The following PVALEF variants were observed in gnomAD, a reference collection of about 807,000 sequenced individuals.
PVALEF encodes the protein parvalbumin like EF-hand containing.
In PVALEF, 2 loss-of-function variants were observed where a neutral mutation model predicts 1.2. The ratio of observed to expected loss-of-function variants is 1.68; its 90% CI spans 0.69 to 5.28. PVALEF has a LOEUF of 5.28. PVALEF is among the 30% of genes most tolerant of loss of function. The probability of loss-of-function intolerance (pLI) is 0.06; values close to 1 mark genes in which losing one functional copy is unlikely to be tolerated. For missense variants in PVALEF, 35 were observed against 17.7 expected, an observed-to-expected ratio of 1.97 and a Z score of -1.75; for synonymous variants, 16 against 6.5, an observed-to-expected ratio of 2.47 and a Z score of -2.24.
Position 81,181,160 on chromosome 17 carries a change from G to A in PVALEF, c.-67G>A, listed in dbSNP as rs1262257783. On this transcript the variant is annotated 5_prime_UTR_variant, in exon 4 of 7. Transcript: ENST00000637878. ...CCACGCGGCGTCTACGTCTGCTCTG[G>A]CCCAAGCAGCACCCCCAATCCGTGC... The A allele has an allele frequency of 5.7e-6, 4 of 697,822 alleles. No individual in the cohort carries two copies. Among genetic ancestry groups the A allele is most frequent in the Non-Finnish European group, 1.0e-5 (4 of 382,236 alleles). The allele number at this position is 697,822 out of a possible 1,614,324, so 43.2% of individuals were successfully genotyped here. A position where few individuals can be genotyped will look rare whatever the true frequency, so the allele number is the denominator to read the frequency against.
At chr17:81,181,050 G>A in intron 3 of PVALEF, 73 bp from the exon 4 acceptor site, 1 of 537,358 alleles carries the variant, frequency 1.9e-6, no homozygotes, top group Non-Finnish European at 3.3e-6. Context: ...CTGCCTGGCT[G>A]GGATCCCAGC....
At position 81,183,047 on chromosome 17, in the gene PVALEF, A is replaced by T; in HGVS notation, c.*36A>T. ...AGCCCTGGCCAGCCAAGGGGCTCCC[A>T]TGGGGTAACCGGGGTGACCACGCAC... On this transcript the variant is annotated 3_prime_UTR_variant, in exon 7 of 7. Transcript: ENST00000637878. 1 of 398,684 alleles carries T rather than the reference A, an allele frequency of 2.5e-6. No individual in the cohort carries two copies. The highest frequency in any genetic ancestry group is 4.4e-6 in the Non-Finnish European group (1 of 226,068). 24.7% of individuals were successfully genotyped at this position (398,684 alleles called of 1,614,324 possible).
At chr17:81,167,232 G>T (rs568003940) in intron 2 of PVALEF, among the ~76,000 whole-genome samples, 3 of 152,196 alleles carry the variant, frequency 2.0e-5, no homozygotes, top group Non-Finnish European at 4.4e-5. Context: ...GTTAGAGGCC[G>T]CAGTGAGCCA....
chr17:81,176,803 G>A (rs2061537090), intron 2 of PVALEF, among the ~76,000 whole-genome samples: 2 of 152,088 alleles, frequency 1.3e-5, no homozygotes, highest in African/African-American at 2.4e-5. Flanking sequence ...GGAGACATTT[G>A]TACACCCATC....
At chr17:81,173,961 T>G (rs2061528683) in intron 2 of PVALEF, among the ~76,000 whole-genome samples, 1 of 152,158 alleles carries the variant, frequency 6.6e-6, no homozygotes, top group Non-Finnish European at 1.5e-5. Flanking sequence ...CATAATCAAG[T>G]GGGATTTATT....
chr17:81,181,059 G>C, intron 3 of PVALEF, 64 bp from the exon 4 acceptor site: 1 of 539,770 alleles, frequency 1.9e-6, no homozygotes. Context: ...TGGGATCCCA[G>C]CATGTCTCGG....
intron 3 of PVALEF, among the ~76,000 whole-genome samples, chr17:81,180,790 A>G (rs1487457644): frequency 1.3e-5 from 2 of 151,994 alleles, no homozygotes; most frequent in African/African-American, 4.8e-5. Context: ...TCGAGAACAC[A>G]GGCCGCCCCT....
chr17:81,165,858 C>G, intron 1 of PVALEF, 111 bp downstream of exon 1: 2 of 1,532,152 alleles, frequency 1.3e-6, no homozygotes, highest in Non-Finnish European at 8.8e-7. Flanking sequence ...CCATGCAAAC[C>G]GGGAGCCGTG....
At chr17:81,181,863 G>C (rs1462163383) in intron 5 of PVALEF, 103 bp from the exon 6 acceptor site, 2 of 397,944 alleles carry the variant, frequency 5.0e-6, no homozygotes, top group African/African-American at 4.1e-5. Flanking sequence ...CAGGCTCCCG[G>C]CCCGAAGTGC....
chr17:81,166,095 G>C (rs1012591185), intron 1 of PVALEF: 2 of 710,626 alleles, frequency 2.8e-6, no homozygotes, highest in Non-Finnish European at 3.5e-6. Context: ...CCGCAGGTGC[G>C]GAGCGCGCCG....
At chr17:81,170,201 A>G (rs1720819026) in intron 2 of PVALEF, among the ~76,000 whole-genome samples, 1 of 148,660 alleles carries the variant, frequency 6.7e-6, no homozygotes, top group African/African-American at 2.5e-5. Flanking sequence ...GTCTTTGCAT[A>G]TGTGTAGGTG....
chr17:81,182,089 C>CA lies in PVALEF; in HGVS notation c.358+9dup. 2 of 398,740 alleles carry CA rather than the reference C, an allele frequency of 5.0e-6. No homozygotes were observed. Among genetic ancestry groups the CA allele is most frequent in the East Asian group, 7.1e-5 (2 of 28,084 alleles). The allele number at this position is 398,740 out of a possible 1,614,324, so 24.7% of individuals were successfully genotyped here. ...GGAGGATCAACTACGAAGGTGGGGG[C>CA]AGCACAGCCGGGGCACCCTCAGGAC... On this transcript the variant is annotated intron_variant, in intron 6 of 6. Transcript: ENST00000637878.
chr17:81,181,365 G>A lies in PVALEF; in HGVS notation c.106+33G>A, dbSNP rs568699045. On this transcript the variant is annotated intron_variant, in intron 4 of 6. Coordinates refer to ENST00000637878, the MANE Select transcript of PVALEF (RefSeq NM_001354639.2). ...ATGCCCCCGCCCGGCGCGGCCCCCC[G>A]CCCGTCCAGCCCCGCTGTGGTCAGG... 2.6e-3 allele frequency: 1,613 copies of A among 627,760 alleles called. 5 individuals carry two copies. Among genetic ancestry groups the A allele is most frequent in the Non-Finnish European group, 3.5e-3 (1,207 of 346,434 alleles). 38.9% of individuals were successfully genotyped at this position (627,760 alleles called of 1,614,324 possible).
chr17:81,165,799 G>T (rs2061481809), intron 1 of PVALEF, 52 bp downstream of exon 1: 14 of 1,499,654 alleles, frequency 9.3e-6, no homozygotes, highest in Non-Finnish European at 1.3e-5. Flanking sequence ...GCCGCCAGGG[G>T]GTCCGGCTGC....
chr17:81,170,717 C>T (rs1444157260), intron 2 of PVALEF, among the ~76,000 whole-genome samples: 1 of 152,220 alleles, frequency 6.6e-6, no homozygotes, highest in Non-Finnish European at 1.5e-5. Flanking sequence ...GCACCCAAAT[C>T]TGCCTGCTGG....
At chr17:81,169,741 T>TAC (rs2061511722) in intron 2 of PVALEF, among the ~76,000 whole-genome samples, 17 of 140,124 alleles carry the variant, frequency 1.2e-4, no homozygotes, top group African/African-American at 3.6e-4. Context: ...TGCGTGTGTG[T>TAC]GTACGTGTCT....
rs1299845200 is a variant in PVALEF, at chr17:81,166,658, G to T, written c.-507-19G>T. 4.4e-6 allele frequency: 2 copies of T among 453,864 alleles called. No homozygotes were observed. Among genetic ancestry groups the T allele is most frequent in the South Asian group, 1.6e-5 (1 of 64,410 alleles). The allele number at this position is 453,864 out of a possible 1,614,324, so 28.1% of individuals were successfully genotyped here. On this transcript the variant is annotated intron_variant, in intron 1 of 6. Coordinates refer to ENST00000637878, the MANE Select transcript of PVALEF (RefSeq NM_001354639.2). ...CCAGGGCGGGTCTTGGTGCTCAGGGGCCCTCGCCTCACTTGCAGGTTTCGA... is the reference window on the plus strand; with the variant it reads ...CCAGGGCGGGTCTTGGTGCTCAGGGTCCCTCGCCTCACTTGCAGGTTTCGA...
chr17:81,171,366 C>A, intron 2 of PVALEF, among the ~76,000 whole-genome samples: 1 of 152,216 alleles, frequency 6.6e-6, no homozygotes, highest in African/African-American at 2.4e-5. Flanking sequence ...CCACGCCAGG[C>A]TCCCCAGGCC....
intron 4 of PVALEF, 30 bp downstream of exon 4, chr17:81,181,362 C>T: frequency 1.6e-6 from 1 of 630,676 alleles, no homozygotes. Context: ...GGCGCGGCCC[C>T]CCGCCCGTCC....
Sources: allele counts gnomAD v4.1 joint callset (sites outside exome capture counted in the v4.1 genomes callset), GRCh38; gene constraint gnomAD v4.1.1; transcripts MANE v1.5; gene names NCBI Gene and HGNC (gene_info 2026-07-23, HGNC 2026-07-21).